PDPK1: variants seen among roughly 807,000 people sequenced by gnomAD.
The protein encoded by PDPK1 is 3-phosphoinositide-dependent protein kinase 1.
Under a neutral mutation model 39.8 loss-of-function variants are expected in PDPK1, and 7 were observed. The ratio of observed to expected loss-of-function variants is 0.18; its 90% CI spans 0.10 to 0.33. PDPK1 has a LOEUF of 0.33. Among genes scored for constraint, PDPK1 ranks in the 10% least tolerant of loss-of-function variants. The pLI is 1.00. For missense variants in PDPK1, 182 were observed against 384.7 expected (o/e 0.47, Z 4.41); for synonymous variants, 118 against 159.1 (o/e 0.74, Z 1.95).
intron 1 of PDPK1, among the ~76,000 whole-genome samples, chr16:2,540,394 G>C (rs752962386): frequency 3.9e-5 from 6 of 152,190 alleles, no homozygotes; most frequent in Admixed American, 1.3e-4. Flanking sequence ...TGCGAGGTAG[G>C]TGTTGTTCCC....
chr16:2,544,509 C>A (rs2066299127), intron 1 of PDPK1, among the ~76,000 whole-genome samples: 1 of 152,154 alleles, frequency 6.6e-6, no homozygotes, highest in Non-Finnish European at 1.5e-5. Context: ...AATGAATATC[C>A]CTAGCCTTTT....
rs151127534 is a variant in PDPK1, at chr16:2,541,054, C to A, written c.24+2918C>A. 4.0e-3 allele frequency among the ~76,000 whole-genome samples: 606 copies of A among 152,278 alleles called. 2 individuals carry two copies. Among genetic ancestry groups the A allele is most frequent in the African/African-American group, 0.013 (547 of 41,534 alleles). ...ATTCCTGTACGCAACGTTGCCCTGA[C>A]AGCCAGTCCAAGCTGAGTCTAGAGC... On this transcript the variant is annotated intron_variant, in intron 1 of 13. Transcript: ENST00000342085.
At chr16:2,585,977 G>A (rs1051779255) in intron 10 of PDPK1, among the ~76,000 whole-genome samples, 1 of 152,216 alleles carries the variant, frequency 6.6e-6, no homozygotes, top group African/African-American at 2.4e-5. Flanking sequence ...AGCCGGGGAG[G>A]TGGCTTCCCT....
At chr16:2,584,878 G>A (rs117715420) in intron 10 of PDPK1, among the ~76,000 whole-genome samples, 2,381 of 152,312 alleles carry the variant, frequency 0.016, 32 homozygotes, top group Non-Finnish European at 0.024. Context: ...TGGGAGCCTC[G>A]AGGCCCTTGC....
intron 1 of PDPK1, among the ~76,000 whole-genome samples, chr16:2,546,841 G>A (rs2066358066): frequency 1.3e-5 from 2 of 151,822 alleles, no homozygotes; most frequent in South Asian, 4.2e-4. Flanking sequence ...ATATCCGCAG[G>A]ATGGTTGTGT....
intron 1 of PDPK1, among the ~76,000 whole-genome samples, chr16:2,552,473 G>A (rs1476924726): frequency 6.6e-6 from 1 of 151,612 alleles, no homozygotes; most frequent in East Asian, 1.9e-4. Context: ...GTGGTTGGGG[G>A]CTCGGGCTGG....
rs1006097939 is a variant in PDPK1, at chr16:2,602,947, C to A, written c.*5180C>A. ...TGAATTGAATTCATGTTCGGGGCCACGTTGTTGTATGTATTGATGTACAGC... is the reference window on the plus strand; with the variant it reads ...TGAATTGAATTCATGTTCGGGGCCAAGTTGTTGTATGTATTGATGTACAGC... On this transcript the variant is annotated 3_prime_UTR_variant, in exon 14 of 14. Transcript: ENST00000342085. 1 of 231,840 alleles carries A rather than the reference C, an allele frequency of 4.3e-6. No individual in the cohort carries two copies. The highest frequency in any genetic ancestry group is 1.8e-4 in the South Asian group (1 of 5,512). 14.4% of individuals were successfully genotyped at this position (231,840 alleles called of 1,614,324 possible). A position where few individuals can be genotyped will look rare whatever the true frequency, so the allele number is the denominator to read the frequency against.
rs1197548570 is a variant in PDPK1, at chr16:2,592,938, TTC to T, written c.1344-2853_1344-2852del. 2.4e-5 allele frequency: 11 copies of T among 456,498 alleles called. No individual in the cohort carries two copies. The East Asian group carries it at 7.6e-4, about 32-fold the overall frequency. 28.3% of individuals were successfully genotyped at this position (456,498 alleles called of 1,614,324 possible). On this transcript the variant is annotated intron_variant, in intron 11 of 13. Transcript: ENST00000342085. The stretch of plus-strand genomic sequence containing the variant: ...CCTGCCTCCCCGTGGTGCTGGCGTG[TTC>T]TGTCACTGAGCCACTCTGGGGCTTC...
chr16:2,558,050 C>G lies in PDPK1; in HGVS notation c.285+87C>G. 4 of 1,515,756 alleles carry G rather than the reference C, an allele frequency of 2.6e-6. No individual in the cohort carries two copies. In the Middle Eastern group the frequency reaches 5.1e-4, roughly 193 times the overall value. The allele number at this position is 1,515,756 out of a possible 1,614,324, so 93.9% of individuals were successfully genotyped here. ...CTCGGGGCTTGCCGGAGACTCCAAG[C>G]AAGGCTGGTGTCCTTCCAGGCAGGA... On this transcript the variant is annotated intron_variant, in intron 2 of 13. Coordinates refer to ENST00000342085, the MANE Select transcript of PDPK1 (RefSeq NM_002613.5).
intron 1 of PDPK1, among the ~76,000 whole-genome samples, chr16:2,541,132 G>C (rs2066237967): frequency 6.6e-6 from 1 of 152,220 alleles, no homozygotes; most frequent in Admixed American, 6.5e-5. Context: ...CTGCTTTTCT[G>C]AGATGTGTTC....
intron 10 of PDPK1, 81 bp from the exon 11 acceptor site, chr16:2,586,595 C>G (rs745656894): frequency 7.3e-6 from 9 of 1,230,670 alleles, no homozygotes; most frequent in Non-Finnish European, 9.5e-6. Flanking sequence ...GGCCTGACAG[C>G]GGCAGTGCGG....
chr16:2,590,530 CA>C (rs1434433847), intron 11 of PDPK1, among the ~76,000 whole-genome samples: 6 of 149,510 alleles, frequency 4.0e-5, no homozygotes, highest in African/African-American at 1.5e-4. Flanking sequence ...GCAGCCATCT[CA>C]GGGGAGACAC....
At chr16:2,539,702 T>C (rs1234758281) in intron 1 of PDPK1, among the ~76,000 whole-genome samples, 1 of 152,180 alleles carries the variant, frequency 6.6e-6, no homozygotes, top group Non-Finnish European at 1.5e-5. Context: ...TTGGCCAGGC[T>C]CAGTGGAGGC....
At chr16:2,540,641 A>G (rs1257066918) in intron 1 of PDPK1, among the ~76,000 whole-genome samples, 3 of 152,078 alleles carry the variant, frequency 2.0e-5, no homozygotes, top group Admixed American at 6.5e-5. Context: ...GTGTCTTCAT[A>G]TGGAAGAACT....
chr16:2,540,054 C>T (rs955227520), intron 1 of PDPK1, among the ~76,000 whole-genome samples: 1 of 152,194 alleles, frequency 6.6e-6, no homozygotes, highest in African/African-American at 2.4e-5. Context: ...CCCATGTGTA[C>T]GTATGTGAGA....
chr16:2,586,721 T>C lies in PDPK1; in HGVS notation c.1171T>C (p.Ser391Pro). 1 of 1,614,208 alleles carries C rather than the reference T, an allele frequency of 6.2e-7. No homozygotes were observed. The highest frequency in any genetic ancestry group is 8.5e-7 in the Non-Finnish European group (1 of 1,180,032). ...GTTTGGCTGCATGCAGGTGTCTTCG[T>C]CCTCCTCCTCACACTCCCTGTCAGC... ...SQFGCMQVSS[S>P]SSSHSLSASD... The change falls in exon 11 of 14, where the codon TCC (serine) becomes CCC (proline). Residue 391 changes from serine to proline, a missense_variant. Transcript: ENST00000342085.
chr16:2,592,678 A>G, intron 11 of PDPK1: 1 of 422,592 alleles, frequency 2.4e-6, no homozygotes, highest in Non-Finnish European at 4.7e-6. Context: ...CTGTCTTAAA[A>G]AAAAAAAAAA....
intron 11 of PDPK1, among the ~76,000 whole-genome samples, chr16:2,590,757 G>A (rs1567167313): frequency 1.3e-5 from 2 of 152,148 alleles, no homozygotes; most frequent in Non-Finnish European, 2.9e-5. Context: ...ATTACTGTGA[G>A]CCTGATACCT....
chr16:2,597,824 G>C lies in PDPK1; in HGVS notation c.*57G>C, dbSNP rs2067134882. 8.0e-7 allele frequency: 1 copy of C among 1,247,450 alleles called. No homozygotes were observed. Among genetic ancestry groups the C allele is most frequent in the Non-Finnish European group, 1.2e-6 (1 of 855,256 alleles). 77.3% of individuals were successfully genotyped at this position (1,247,450 alleles called of 1,614,324 possible). A position where few individuals can be genotyped will look rare whatever the true frequency, so the allele number is the denominator to read the frequency against. On this transcript the variant is annotated 3_prime_UTR_variant, in exon 14 of 14. Transcript: ENST00000342085. The surrounding 1 kb of genome is among the most constrained non-coding windows in gnomAD (Gnocchi z 6.3). ...CAGGACACCTGCCCCAGCGCGGCTT[G>C]GCCGCCATCCGGGACGCTTCCAGAC...
Sources: gnomAD v4.1 joint callset for allele counts (sites outside exome capture counted in the v4.1 genomes callset) on GRCh38, gnomAD v4.1.1 for gene constraint, Gnocchi (gnomAD v3.1) non-coding constraint, MANE v1.5 for transcripts, NCBI Gene and HGNC (gene_info 2026-07-23, HGNC 2026-07-21) for gene names.